The following KIF13B variants were observed in gnomAD, a reference collection of about 807,000 sequenced individuals.
KIF13B encodes kinesin family member 13B.
KIF13B carries 127 observed loss-of-function variants against 222.0 expected under a neutral mutation model. That is an observed-to-expected ratio of 0.57 (90% CI 0.50 to 0.66). The LOEUF (loss-of-function observed/expected upper bound fraction) is 0.66. KIF13B is among the 30% of genes least tolerant of loss of function. The probability of loss-of-function intolerance (pLI) is 0.00; values close to 1 mark genes in which losing one functional copy is unlikely to be tolerated. For synonymous variants in KIF13B, 976 were observed against 919.0 expected (o/e 1.06, Z -1.12); for missense variants, 2,173 against 2,379.0 (o/e 0.91, Z 1.80).
At chr8:29,193,070 C>A (rs959159909) in intron 3 of KIF13B, among the ~76,000 whole-genome samples, 3 of 152,000 alleles carry the variant, frequency 2.0e-5, no homozygotes, top group African/African-American at 7.2e-5. Flanking sequence ...AGGTGAGGAT[C>A]GGCACACCTG....
intron 37 of KIF13B, among the ~76,000 whole-genome samples, chr8:29,090,529 G>A (rs546723527): frequency 6.6e-6 from 1 of 152,004 alleles, no homozygotes; most frequent in East Asian, 1.9e-4. Context: ...TTATGTTGAC[G>A]CCAAGTCTGC....
chr8:29,262,741 G>C (rs1160882283), intron 1 of KIF13B, among the ~76,000 whole-genome samples: 8 of 150,464 alleles, frequency 5.3e-5, no homozygotes, highest in East Asian at 2.0e-4. Flanking sequence ...AGGGGCAGCG[G>C]GGCCGGCACG....
rs770463620 is a variant in KIF13B at position 29,118,945 on chromosome 8, C to T, written c.3583G>A (p.Gly1195Arg). The change falls in exon 30 of 40, where the codon GGA (glycine) becomes AGA (arginine). Residue 1195 changes from glycine to arginine, a missense_variant. Transcript: ENST00000524189. Reference protein sequence around the residue: ...QDNLDDPEAGGWDATLTGEEE... With the variant: ...QDNLDDPEAGRWDATLTGEEE... ...TCCCCAGTCAAGGTCGCATCCCATCCACCAGCTTCTGGGTCATCAAGATTA... is the reference window on the plus strand; with the variant it reads ...TCCCCAGTCAAGGTCGCATCCCATCTACCAGCTTCTGGGTCATCAAGATTA... 3.1e-6 allele frequency: 5 copies of T among 1,613,808 alleles called. No homozygotes were observed. Among genetic ancestry groups the T allele is most frequent in the East Asian group, 4.5e-5 (2 of 44,890 alleles).
At chr8:29,150,932 C>T (rs1008257572) in intron 14 of KIF13B, among the ~76,000 whole-genome samples, 1 of 152,088 alleles carries the variant, frequency 6.6e-6, no homozygotes. Context: ...AAGAGTCACA[C>T]ATCTCTCAAA....
At chr8:29,156,938 C>G (rs1259896143) in intron 13 of KIF13B, among the ~76,000 whole-genome samples, 2 of 152,126 alleles carry the variant, frequency 1.3e-5, no homozygotes, top group African/African-American at 4.8e-5. Context: ...CCTAACCCAA[C>G]AGAAGTCTAT....
intron 37 of KIF13B, among the ~76,000 whole-genome samples, chr8:29,077,940 A>C (rs7000444): frequency 6.6e-6 from 1 of 151,478 alleles, no homozygotes; most frequent in Non-Finnish European, 1.5e-5. Flanking sequence ...GGGAACACAT[A>C]AGCAAATCAC....
intron 2 of KIF13B, 82 bp downstream of exon 2, chr8:29,245,264 T>C: frequency 1.1e-6 from 1 of 919,450 alleles, no homozygotes; most frequent in Non-Finnish European, 1.7e-6. Flanking sequence ...TCGATATCTA[T>C]TCAATGCAAC....
At chr8:29,143,461 G>C (rs1203865563) in intron 18 of KIF13B, among the ~76,000 whole-genome samples, 1 of 152,210 alleles carries the variant, frequency 6.6e-6, no homozygotes, top group Admixed American at 6.5e-5. Context: ...TGCATTGTTT[G>C]GGTTTCTTAT....
chr8:29,163,147 C>A (rs2130130310), intron 12 of KIF13B, among the ~76,000 whole-genome samples: 1 of 152,274 alleles, frequency 6.6e-6, no homozygotes, highest in East Asian at 1.9e-4. Context: ...AGATATGGCA[C>A]TGGAATTAGA....
chr8:29,095,792 A>G (rs956893570), intron 36 of KIF13B, among the ~76,000 whole-genome samples: 1 of 152,156 alleles, frequency 6.6e-6, no homozygotes, highest in African/African-American at 2.4e-5. Context: ...AAACAAAACA[A>G]AACTACAGAA....
chr8:29,257,292 G>A lies in KIF13B; in HGVS notation c.55+5688C>T, dbSNP rs144260686. ...CATGGAGTGGACCAGTTAGTTTCAC[G>A]CACTTCCCAGGTCACAGGGCACACT... On this transcript the variant is annotated intron_variant, in intron 1 of 39. Transcript: ENST00000524189. 5.5e-4 allele frequency among the ~76,000 whole-genome samples: 84 copies of A among 151,560 alleles called. 1 individual carries two copies. The East Asian group carries it at 0.014, about 26-fold the overall frequency.
intron 2 of KIF13B, among the ~76,000 whole-genome samples, chr8:29,221,097 CTTTTT>C (rs60915605): frequency 3.5e-5 from 4 of 112,808 alleles, no homozygotes; most frequent in African/African-American, 1.5e-4. Context: ...GAGCTGTGTT[CTTTTT>C]TTTTTTTTTT....
intron 37 of KIF13B, among the ~76,000 whole-genome samples, chr8:29,077,845 G>A (rs1052612500): frequency 3.3e-5 from 5 of 152,094 alleles, no homozygotes; most frequent in South Asian, 2.1e-4. Context: ...CCTACCATGC[G>A]GGGGGCGTGG....
chr8:29,130,766 C>T, intron 23 of KIF13B, 101 bp from the exon 24 acceptor site: 1 of 1,030,058 alleles, frequency 9.7e-7, no homozygotes, highest in Admixed American at 2.0e-5. Context: ...AAATGACCTC[C>T]AAACAGAGTA....
intron 10 of KIF13B, among the ~76,000 whole-genome samples, chr8:29,175,790 C>A (rs911424551): frequency 1.3e-5 from 2 of 152,220 alleles, no homozygotes. Flanking sequence ...GCAGGAGGCC[C>A]TTTCTCTACT....
At chr8:29,135,954 C>T (rs1479316375) in intron 21 of KIF13B, among the ~76,000 whole-genome samples, 2 of 72,080 alleles carry the variant, frequency 2.8e-5, no homozygotes, top group Admixed American at 1.6e-4. Flanking sequence ...CACAAAATTA[C>T]ACAAACCAGA....
At position 29,110,132 on chromosome 8, in the gene KIF13B, C is replaced by T. The variant is rs140113045; in HGVS notation, c.3931-62G>A. The stretch of plus-strand genomic sequence containing the variant: ...TGATGTACACACACACACGTACACG[C>T]GTGCACACACAGACACACAGAACGT... On this transcript the variant is annotated intron_variant, in intron 32 of 39. Coordinates refer to ENST00000524189, the MANE Select transcript of KIF13B (RefSeq NM_015254.4). 3.7e-3 allele frequency: 4,960 copies of T among 1,323,092 alleles called. 12 individuals are homozygous for T. Among genetic ancestry groups the T allele is most frequent in the Non-Finnish European group, 4.2e-3 (3,980 of 945,288 alleles). 82.0% of individuals were successfully genotyped at this position (1,323,092 alleles called of 1,614,324 possible). A position where few individuals can be genotyped will look rare whatever the true frequency, so the allele number is the denominator to read the frequency against.
intron 10 of KIF13B, among the ~76,000 whole-genome samples, chr8:29,173,981 TA>T (rs945010254): frequency 3.3e-5 from 5 of 151,738 alleles, no homozygotes; most frequent in Admixed American, 6.6e-5. Context: ...TGAAACGATT[TA>T]AAAAAAAATT....
At chr8:29,217,908 C>A (rs181053722) in intron 2 of KIF13B, among the ~76,000 whole-genome samples, 73 of 152,328 alleles carry the variant, frequency 4.8e-4, no homozygotes, top group Admixed American at 1.6e-3. Context: ...TATTAATCAG[C>A]TCTATCACTC....
Sources: allele counts gnomAD v4.1 joint callset (sites outside exome capture counted in the v4.1 genomes callset), GRCh38; gene constraint gnomAD v4.1.1; transcripts MANE v1.5; gene names NCBI Gene and HGNC (gene_info 2026-07-23, HGNC 2026-07-21).